The following PNKD variants were observed in gnomAD, a reference collection of about 807,000 sequenced individuals.
PNKD encodes probable thioesterase PNKD.
PNKD carries 36 observed loss-of-function variants against 45.3 expected under a neutral mutation model. The ratio of observed to expected loss-of-function variants is 0.80; its 90% confidence interval spans 0.61 to 1.05. PNKD has a LOEUF of 1.05. Among genes scored for constraint, PNKD ranks in the 50% least tolerant of loss-of-function variants. The probability of loss-of-function intolerance (pLI) is 0.00; values close to 1 mark genes in which losing one functional copy is unlikely to be tolerated. For synonymous variants in PNKD, 197 were observed against 210.1 expected, an observed-to-expected ratio of 0.94 and a Z score of 0.54; for missense variants, 511 against 506.6, an observed-to-expected ratio of 1.01 and a Z score of -0.08.
At chr2:218,275,724 T>C (rs928520477) in intron 2 of PNKD, 12 of 1,375,994 alleles carry the variant, frequency 8.7e-6, no homozygotes, top group Admixed American at 4.6e-5. Context: ...CACACAGTGC[T>C]TAGGGCCACA....
chr2:218,292,487 G>A (rs1217135085), intron 2 of PNKD: 1 of 152,188 alleles, frequency 6.6e-6, no homozygotes, highest in African/African-American at 2.4e-5. Context: ...CAGACGGAGC[G>A]TTCCTGGCCT....
intron 2 of PNKD, chr2:218,280,331 C>T (rs1004252872): frequency 5.7e-6 from 3 of 523,072 alleles, no homozygotes; most frequent in East Asian, 3.4e-5. Context: ...AGGTGGGAAA[C>T]GTTCCTCACG....
At chr2:218,311,456 A>C (rs1038827986) in intron 2 of PNKD, among the ~76,000 whole-genome samples, 1 of 152,162 alleles carries the variant, frequency 6.6e-6, no homozygotes. Context: ...GGAGTGTAGC[A>C]GGGCAACAGG....
At chr2:218,298,923 C>T (rs147067540) in intron 2 of PNKD, among the ~76,000 whole-genome samples, 2 of 152,180 alleles carry the variant, frequency 1.3e-5, no homozygotes, top group East Asian at 1.9e-4. Flanking sequence ...CCTCTTATTC[C>T]CAACCCACGA....
At chr2:218,309,869 A>G (rs1693549326) in intron 2 of PNKD, among the ~76,000 whole-genome samples, 1 of 151,432 alleles carries the variant, frequency 6.6e-6, no homozygotes, top group African/African-American at 2.4e-5. Flanking sequence ...TGGGAGGCGG[A>G]GGCTGCGGTG....
In PNKD at chr2:218,342,038, T is replaced by A; in HGVS notation, c.675T>A (p.Ala225=). 1 of 1,613,434 alleles carries A rather than the reference T, an allele frequency of 6.2e-7. No individual in the cohort carries two copies. The change falls in exon 7 of 10, where the codon GCT becomes GCA. Residue 225 remains alanine (A), a synonymous_variant. Coordinates refer to ENST00000273077, the MANE Select transcript of PNKD (RefSeq NM_015488.5). The part of the protein sequence containing the change: ...SVGRLQIRAL[A]TPGHTQGHLV... ...GACGGCTTCAGATCCGGGCCCTGGC[T>A]ACACCTGGCCACACACAAGGCCATC...
rs539917940 is a variant in PNKD at position 218,340,004 on chromosome 2, G to T, written c.353-25G>T. 2.0e-6 allele frequency: 3 copies of T among 1,528,242 alleles called. No individual in the cohort carries two copies. In the African/African-American group the frequency reaches 4.1e-5, roughly 21 times the overall value. The allele number at this position is 1,528,242 out of a possible 1,614,324, so 94.7% of individuals were successfully genotyped here. A position where few individuals can be genotyped will look rare whatever the true frequency, so the allele number is the denominator to read the frequency against. On this transcript the variant is annotated intron_variant, in intron 3 of 9. Coordinates refer to ENST00000273077, the MANE Select transcript of PNKD (RefSeq NM_015488.5). The surrounding 1 kb of genome is among the most constrained non-coding windows in gnomAD (Gnocchi z 4.2). The stretch of plus-strand genomic sequence containing the variant: ...CCCTGGGCTCCCTGCCTGTTACCCC[G>T]CCCACAGCCCATCTCTGTCCCCAGG...
intron 2 of PNKD, among the ~76,000 whole-genome samples, chr2:218,309,928 C>T (rs1320301702): frequency 3.4e-5 from 5 of 147,142 alleles, no homozygotes; most frequent in Admixed American, 6.7e-5. Context: ...AGCGAGATTA[C>T]GTCTAAAAAA....
chr2:218,282,176 T>C, intron 2 of PNKD: 1 of 1,432,260 alleles, frequency 7.0e-7, no homozygotes, highest in South Asian at 1.5e-5. Flanking sequence ...CCCCAGCTGC[T>C]GGGACCTGAA....
Position 218,271,358 on chromosome 2 carries a change from A to G in PNKD, c.68-23A>G, listed in dbSNP as rs373819244. On this transcript the variant is annotated intron_variant, in intron 1 of 9. Transcript: ENST00000273077. Reference sequence around the variant, plus strand: ...GCTTTCTTCTCATCTCTTCTTACTGACCTTCCTTACCTCCATCCACAGGGA... The same window carrying G: ...GCTTTCTTCTCATCTCTTCTTACTGGCCTTCCTTACCTCCATCCACAGGGA... 1.1e-5 allele frequency: 17 copies of G among 1,611,478 alleles called. No homozygotes were observed. In the African/African-American group the frequency reaches 2.1e-4, roughly 20 times the overall value.
At chr2:218,307,689 G>A (rs930883) in intron 2 of PNKD, among the ~76,000 whole-genome samples, 5,031 of 152,204 alleles carry the variant, frequency 0.033, 267 homozygotes, top group African/African-American at 0.11. Context: ...GACCCCTACC[G>A]TGGGGCATCC....
At chr2:218,323,212 G>T (rs1358374663) in intron 2 of PNKD, 33 of 1,420,844 alleles carry the variant, frequency 2.3e-5, no homozygotes, top group Non-Finnish European at 2.9e-5. Flanking sequence ...GGCCGGGGCC[G>T]GGCCGTTGCC....
intron 2 of PNKD, chr2:218,281,954 A>G: frequency 1.3e-6 from 2 of 1,598,908 alleles, no homozygotes; most frequent in Non-Finnish European, 1.7e-6. Flanking sequence ...GTTCATGGGC[A>G]TCGGGTGGGT....
In PNKD at chr2:218,337,754, G is replaced by A. The variant is rs532785093; in HGVS notation, c.237-2029G>A. Among the ~76,000 whole-genome samples the A allele has an allele frequency of 5.7e-4, 87 of 152,248 alleles. 1 individual carries two copies. The highest frequency in any genetic ancestry group is 1.9e-3 in the African/African-American group (81 of 41,540). ...CAGACTCTGTATAGGTATGATAAGC[G>A]AGGAACGGAGCACACTCACTGTGTG... On this transcript the variant is annotated intron_variant, in intron 2 of 9. Transcript: ENST00000273077.
chr2:218,296,392 G>A (rs750648813), intron 2 of PNKD, among the ~76,000 whole-genome samples: 3 of 152,140 alleles, frequency 2.0e-5, no homozygotes, highest in Non-Finnish European at 4.4e-5. Flanking sequence ...GGTATTTTAG[G>A]ACTAGCTAAA....
intron 2 of PNKD, among the ~76,000 whole-genome samples, chr2:218,308,424 T>G (rs1693484004): frequency 1.3e-5 from 2 of 151,984 alleles, no homozygotes; most frequent in Non-Finnish European, 2.9e-5. Flanking sequence ...CCTAAGCTTG[T>G]GATCTGCCCG....
At chr2:218,297,152 G>A (rs1270065659) in intron 2 of PNKD, among the ~76,000 whole-genome samples, 3 of 152,360 alleles carry the variant, frequency 2.0e-5, no homozygotes, top group South Asian at 4.1e-4. Context: ...TCCAAAGTGG[G>A]ATGGAGGGAG....
At chr2:218,315,075 T>TTCC (rs1434336093) in intron 2 of PNKD, among the ~76,000 whole-genome samples, 37 of 95,054 alleles carry the variant, frequency 3.9e-4, no homozygotes, top group Non-Finnish European at 5.8e-4. Flanking sequence ...CCTTCCTTCC[T>TTCC]TTCTTTCTCT....
intron 2 of PNKD, among the ~76,000 whole-genome samples, chr2:218,287,710 C>T (rs1692632333): frequency 6.7e-6 from 1 of 150,340 alleles, no homozygotes; most frequent in Non-Finnish European, 1.5e-5. Context: ...AACCCCATCT[C>T]AAAAAAAAAG....
Sources: gnomAD v4.1 joint callset for allele counts (sites outside exome capture counted in the v4.1 genomes callset) on GRCh38, gnomAD v4.1.1 for gene constraint, Gnocchi (gnomAD v3.1) non-coding constraint, MANE v1.5 for transcripts, NCBI Gene and HGNC (gene_info 2026-07-23, HGNC 2026-07-21) for gene names.